The following RUSC1 variants were observed in gnomAD, a reference collection of about 807,000 sequenced individuals.
The protein encoded by RUSC1 is RUN and SH3 domain containing 1.
Under a neutral mutation model 72.1 loss-of-function variants are expected in RUSC1, and 40 were observed. That is an observed-to-expected ratio of 0.55 (90% CI 0.43 to 0.72). The LOEUF (loss-of-function observed/expected upper bound fraction) is 0.72, where lower values mean the gene tolerates loss of function less well. Among genes scored for constraint, RUSC1 ranks in the 30% least tolerant of loss-of-function variants. RUSC1 has a pLI of 0.00. For synonymous variants in RUSC1, 512 were observed against 494.2 expected, an observed-to-expected ratio of 1.04 and a Z score of -0.48; for missense variants, 1,092 against 1,172.3, an observed-to-expected ratio of 0.93 and a Z score of 1.00.
Position 155,325,890 on chromosome 1 carries a change from C to T in RUSC1, c.1841C>T (p.Ser614Phe), listed in dbSNP as rs148123009. Residue 614 changes from serine to phenylalanine, a missense_variant, in exon 7 of 10, where the codon TCC (serine) becomes TTC (phenylalanine). Transcript: ENST00000368352. This position sits in a 1 kb window ranked among gnomAD's most constrained non-coding sequence, Gnocchi z 6.5. ...LNTKQLELWF[S>F]SLQEDAGLLS... ...ACCAAGCAGTTGGAGCTGTGGTTTT[C>T]CAGTCTCCAGGAAGATGCAGGTCAG... The T allele has an allele frequency of 2.3e-3, 3,636 of 1,614,106 alleles. 18 individuals are homozygous for T. Among genetic ancestry groups the T allele is most frequent in the Non-Finnish European group, 2.5e-3 (2,957 of 1,180,016 alleles).
At chr1:155,324,717 G>T (rs1335369190) in intron 2 of RUSC1, 128 bp from the exon 3 acceptor site, 22 of 1,567,372 alleles carry the variant, frequency 1.4e-5, no homozygotes, top group Non-Finnish European at 1.9e-5. Context: ...GCGGTCCTGC[G>T]CCTCCTCTCC....
At chr1:155,324,760 C>T in intron 2 of RUSC1, 85 bp from the exon 3 acceptor site, 1 of 1,606,394 alleles carries the variant, frequency 6.2e-7, no homozygotes, top group African/African-American at 1.3e-5. Context: ...CACTGCAGAC[C>T]CGCCGGAGAC....
Position 155,325,265 on chromosome 1 carries a change from GGGAGGTGTCT to G in RUSC1, c.1534-45_1534-36del. ...CGGGAATGGTTGGCGGGAGGTGGCT[GGGAGGTGTCT>G]GGAGGGATCTCTGGAGCCATCGGCA... is the stretch of plus-strand genomic sequence containing the variant. On this transcript the variant is annotated intron_variant, in intron 4 of 9. Coordinates refer to ENST00000368352, the MANE Select transcript of RUSC1 (RefSeq NM_001105203.2). The surrounding 1 kb of genome is among the most constrained non-coding windows in gnomAD (Gnocchi z 6.5). The G allele has an allele frequency of 1.2e-6, 2 of 1,608,828 alleles. No homozygotes were observed. The highest frequency in any genetic ancestry group is 1.7e-6 in the Non-Finnish European group (2 of 1,179,776).
chr1:155,324,444 CCGCAGGCAGGACTGGGCCCCGGGGCGGTG>C, intron 2 of RUSC1: 1 of 1,612,966 alleles, frequency 6.2e-7, no homozygotes, highest in Non-Finnish European at 8.5e-7. Flanking sequence ...CCCCGGGGCT[CCGCAGGCAGGACTGGGCCCCGGGGCGGTG>C]CGCTGGGCTA....
In RUSC1 at chr1:155,321,844, T is replaced by C. The variant is rs1650571504; in HGVS notation, c.71T>C (p.Leu24Pro). The C allele has an allele frequency of 6.2e-7, 1 of 1,613,914 alleles. No individual in the cohort carries two copies. Among genetic ancestry groups the C allele is most frequent in the African/African-American group, 1.3e-5 (1 of 75,040 alleles). Residue 24 changes from leucine to proline, a missense_variant, in exon 2 of 10, where the codon CTG becomes CCG. Transcript: ENST00000368352. ...HIHLQHVSLG[L>P]HLSRRPELQE... ...CACCTCCAGCACGTCTCCCTGGGCC[T>C]GCACTTGTCCCGCCGTCCTGAGCTA...
At position 155,325,252 on chromosome 1, in the gene RUSC1, G is replaced by T. The variant is rs747960394; in HGVS notation, c.1534-64G>T. On this transcript the variant is annotated intron_variant, in intron 4 of 9. Coordinates refer to ENST00000368352, the MANE Select transcript of RUSC1 (RefSeq NM_001105203.2). This position sits in a 1 kb window ranked among gnomAD's most constrained non-coding sequence, Gnocchi z 6.5. ...TCCGCGGGGGGTGCGGGAATGGTTG[G>T]CGGGAGGTGGCTGGGAGGTGTCTGG... 1.9e-4 allele frequency: 300 copies of T among 1,610,580 alleles called. 1 individual carries two copies. The highest frequency in any genetic ancestry group is 2.5e-4 in the Non-Finnish European group (293 of 1,179,844).
At chr1:155,324,309 C>A in intron 2 of RUSC1, 1 of 1,571,354 alleles carries the variant, frequency 6.4e-7, no homozygotes, top group Non-Finnish European at 8.6e-7. Flanking sequence ...CGCCAAGAGG[C>A]TGCTGCGGGA....
intron 8 of RUSC1, 80 bp from the exon 9 acceptor site, chr1:155,328,070 C>G (rs778453567): frequency 1.7e-5 from 26 of 1,531,702 alleles, no homozygotes; most frequent in Non-Finnish European, 2.1e-5. Context: ...GGCCCCTTAG[C>G]CTCTCCCTCC....
At chr1:155,324,615 C>T in intron 2 of RUSC1, 3 of 1,529,028 alleles carry the variant, frequency 2.0e-6, no homozygotes, top group African/African-American at 1.4e-5. Flanking sequence ...AGGGAGGGCA[C>T]AGGGAACCGG....
At position 155,322,070 on chromosome 1, in the gene RUSC1, C is replaced by T. The variant is rs1570884232; in HGVS notation, c.297C>T (p.Asp99=). ...AAGAGGGGGCTGCCTCTCCCTCAGA[C>T]CCAGGCTGCTCCTCCTCACTCAGCT... ...QEEEGAASPS[D]PGCSSSLSSC... Residue 99 remains aspartate, a synonymous_variant, in exon 2 of 10, where the codon GAC becomes GAT. Transcript: ENST00000368352. 6.2e-7 allele frequency: 1 copy of T among 1,613,908 alleles called. No individual in the cohort carries two copies. Among genetic ancestry groups the T allele is most frequent in the Non-Finnish European group, 8.5e-7 (1 of 1,179,846 alleles).
At chr1:155,324,413 G>C in intron 2 of RUSC1, 1 of 1,613,088 alleles carries the variant, frequency 6.2e-7, no homozygotes. Flanking sequence ...TCTTTCCATT[G>C]GTCCATGCCG....
chr1:155,324,808 T>C, intron 2 of RUSC1, 37 bp from the exon 3 acceptor site: 1 of 1,614,126 alleles, frequency 6.2e-7, no homozygotes, highest in Non-Finnish European at 8.5e-7. Flanking sequence ...GAATAACACT[T>C]GGTAAGTGTT....
rs372626504 is a variant in RUSC1, at chr1:155,322,850, C to A, written c.1077C>A (p.Gly359=). ...AGCTCCCCCCCTCGGGGTCGCCGGG[C>A]GGCTCCTCGGCACCTCCTCGGGAAG... ...DTELPPSGSP[G]GSSAPPREVT... The change falls in exon 2 of 10, where the codon GGC becomes GGA. Residue 359 remains glycine, a synonymous_variant. Transcript: ENST00000368352. The A allele has an allele frequency of 4.3e-6, 7 of 1,613,162 alleles. No homozygotes were observed. Among genetic ancestry groups the A allele is most frequent in the Non-Finnish European group, 5.9e-6 (7 of 1,179,822 alleles).
chr1:155,321,915 G>A lies in RUSC1; in HGVS notation c.142G>A (p.Gly48Ser), dbSNP rs1472501544. 1.9e-6 allele frequency: 3 copies of A among 1,609,544 alleles called. No homozygotes were observed. Among genetic ancestry groups the A allele is most frequent in the Admixed American group, 1.7e-5 (1 of 59,566 alleles). Residue 48 changes from glycine (G) to serine (S), a missense_variant, in exon 2 of 10, where the codon GGC becomes AGC. Coordinates refer to ENST00000368352, the MANE Select transcript of RUSC1 (RefSeq NM_001105203.2). ...ACCCCCTCCTCCAGGAGACACTGGG[G>A]GCAAGGAGAGCAGGGGCCCCTGCAG... ...STPPPPGDTG[G>S]KESRGPCSGT... is the part of the protein sequence containing the mutation.
chr1:155,325,236 G>T lies in RUSC1; in HGVS notation c.1533+58G>T. The T allele has an allele frequency of 1.1e-5, 17 of 1,612,824 alleles. No individual in the cohort carries two copies. Among genetic ancestry groups the T allele is most frequent in the Non-Finnish European group, 1.4e-5 (16 of 1,179,942 alleles). ...AGGAGAGTAATGGAGCTCCGCGGGG[G>T]GTGCGGGAATGGTTGGCGGGAGGTG... On this transcript the variant is annotated intron_variant, in intron 4 of 9. Transcript: ENST00000368352. The surrounding 1 kb of genome is among the most constrained non-coding windows in gnomAD (Gnocchi z 6.5).
chr1:155,327,213 T>C, intron 8 of RUSC1, 81 bp downstream of exon 8: 2 of 1,395,186 alleles, frequency 1.4e-6, no homozygotes, highest in Non-Finnish European at 1.9e-6. Flanking sequence ...TCTCTAGTGA[T>C]GATCCTTTAG....
intron 2 of RUSC1, chr1:155,323,859 C>T (rs1282684356): frequency 1.0e-6 from 1 of 962,384 alleles, no homozygotes; most frequent in Non-Finnish European, 1.2e-6. Context: ...TCAGGCGGGC[C>T]GCCCCGCCCA....
chr1:155,324,926 T>C lies in RUSC1; in HGVS notation c.1439T>C (p.Leu480Pro), dbSNP rs1479095539. The change falls in exon 3 of 10, where the codon CTG becomes CCG. Residue 480 changes from leucine to proline, a missense_variant. By Grantham distance (98) the Leu-to-Pro change is moderately conservative. Transcript: ENST00000368352. The stretch of plus-strand genomic sequence containing the variant: ...GAAGCCCAGAGTGGGACTGGTCAGC[T>C]GCAGGAGCAGAAGAAAGGTAGGGCA... ...MAEAQSGTGQ[L>P]QEQKKGLLIA... The C allele has an allele frequency of 6.2e-7, 1 of 1,614,198 alleles. No homozygotes were observed. Among genetic ancestry groups the C allele is most frequent in the Non-Finnish European group, 8.5e-7 (1 of 1,180,032 alleles).
intron 8 of RUSC1, among the ~76,000 whole-genome samples, 156 bp downstream of exon 8, chr1:155,327,288 T>C (rs114351708): frequency 0.021 from 3,195 of 150,460 alleles, 108 homozygotes; most frequent in African/African-American, 0.077. Flanking sequence ...TTAATGGTTA[T>C]GTTAAGTGCC....
Sources: allele counts gnomAD v4.1 joint callset (sites outside exome capture counted in the v4.1 genomes callset), GRCh38; gene constraint gnomAD v4.1.1; non-coding constraint Gnocchi (gnomAD v3.1); transcripts MANE v1.5; gene names NCBI Gene and HGNC (gene_info 2026-07-23, HGNC 2026-07-21).